Variants in CLSTN2 observed in about 807,000 individuals in gnomAD.
The protein encoded by CLSTN2 is calsyntenin-2.
In CLSTN2, 48 loss-of-function variants were observed where a neutral mutation model predicts 101.2. The ratio of observed to expected loss-of-function variants is 0.47; its 90% CI spans 0.38 to 0.60. The LOEUF (loss-of-function observed/expected upper bound fraction) is 0.60, where lower values mean the gene tolerates loss of function less well. Among genes scored for constraint, CLSTN2 ranks in the 20% least tolerant of loss-of-function variants. The pLI is 0.00. For missense variants in CLSTN2, 1,160 were observed against 1,238.2 expected, an observed-to-expected ratio of 0.94 and a Z score of 0.95; for synonymous variants, 481 against 463.6, an observed-to-expected ratio of 1.04 and a Z score of -0.48.
At chr3:140,222,884 A>AAC (rs1444524661) in intron 2 of CLSTN2, among the ~76,000 whole-genome samples, 13 of 151,312 alleles carry the variant, frequency 8.6e-5, no homozygotes, top group Admixed American at 3.3e-4. Flanking sequence ...GAAAAAAAAA[A>AAC]AAAACACTGC....
At chr3:140,194,638 T>C (rs1202849309) in intron 2 of CLSTN2, among the ~76,000 whole-genome samples, 1 of 152,142 alleles carries the variant, frequency 6.6e-6, no homozygotes, top group Non-Finnish European at 1.5e-5. Context: ...AAACTTTCTG[T>C]TTTGGTTAGC....
chr3:140,406,558 A>G (rs1029823573), intron 4 of CLSTN2, among the ~76,000 whole-genome samples: 2 of 152,246 alleles, frequency 1.3e-5, no homozygotes, highest in African/African-American at 4.8e-5. Context: ...AGAGCCTGTC[A>G]GAATCGTTCC....
intron 1 of CLSTN2, among the ~76,000 whole-genome samples, chr3:140,141,832 C>T (rs772163581): frequency 6.6e-6 from 1 of 152,220 alleles, no homozygotes; most frequent in Non-Finnish European, 1.5e-5. Context: ...CGTTTATGCT[C>T]CACCAAGCTC....
chr3:140,566,562 AG>A lies in CLSTN2; in HGVS notation c.*312del, dbSNP rs200201364. ...AGAGTTTGCCTTTGTTTTTTCCTGC[AG>A]GGAAGAAGGCCCACCTTTGTGTCAC... On this transcript the variant is annotated 3_prime_UTR_variant, in exon 17 of 17. Transcript: ENST00000458420. 2,815 of 385,078 alleles carry A rather than the reference AG, an allele frequency of 7.3e-3. 14 individuals carry two copies. The highest frequency in any genetic ancestry group is 9.4e-3 in the Non-Finnish European group (1,933 of 206,104). 23.9% of individuals were successfully genotyped at this position (385,078 alleles called of 1,614,324 possible). A position where few individuals can be genotyped will look rare whatever the true frequency, so the allele number is the denominator to read the frequency against.
At chr3:140,413,201 GA>G (rs1438889916) in intron 4 of CLSTN2, among the ~76,000 whole-genome samples, 1 of 151,944 alleles carries the variant, frequency 6.6e-6, no homozygotes, top group African/African-American at 2.4e-5. Flanking sequence ...AGAAATGAAA[GA>G]GAAGACATTA....
chr3:140,025,828 T>C (rs369504483), intron 1 of CLSTN2, among the ~76,000 whole-genome samples: 1 of 152,214 alleles, frequency 6.6e-6, no homozygotes, highest in Non-Finnish European at 1.5e-5. Flanking sequence ...TGTTTCAAGA[T>C]GAACATGCGA....
chr3:140,057,946 G>T (rs1477008983), intron 1 of CLSTN2, among the ~76,000 whole-genome samples: 7 of 152,188 alleles, frequency 4.6e-5, no homozygotes, highest in African/African-American at 1.7e-4. Flanking sequence ...GGCAAGAGAT[G>T]ATTTTCTGAG....
At position 140,196,368 on chromosome 3, in the gene CLSTN2, G is replaced by C. The variant is rs2010643486; in HGVS notation, c.232+20295G>C. 2.6e-5 allele frequency among the ~76,000 whole-genome samples: 4 copies of C among 152,352 alleles called. No homozygotes were observed. The South Asian group carries it at 8.3e-4, about 32-fold the overall frequency. ...GTGCAGATGTAGGATTTGTTCATGAGTTATCATTCCTGGGCAGGTTCTGGA... is the reference window on the plus strand; with the variant it reads ...GTGCAGATGTAGGATTTGTTCATGACTTATCATTCCTGGGCAGGTTCTGGA... On this transcript the variant is annotated intron_variant, in intron 2 of 16. Transcript: ENST00000458420.
At position 140,103,103 on chromosome 3, in the gene CLSTN2, G is replaced by C. The variant is rs554112847; in HGVS notation, c.110-72848G>C. Among the ~76,000 whole-genome samples the C allele has an allele frequency of 2.0e-5, 3 of 152,310 alleles. No homozygotes were observed. In the South Asian group the frequency reaches 6.2e-4, roughly 32 times the overall value. ...TTTAATAGTGTGCTTAAGGCAGACT[G>C]ACCTCAGTCAGACTGACCTCAGATT... On this transcript the variant is annotated intron_variant, in intron 1 of 16. Coordinates refer to ENST00000458420, the MANE Select transcript of CLSTN2 (RefSeq NM_022131.3).
At position 140,171,725 on chromosome 3, in the gene CLSTN2, T is replaced by A. The variant is rs1249531052; in HGVS notation, c.110-4226T>A. The stretch of plus-strand genomic sequence containing the variant: ...ATAATATGTATTATGTATTATATAT[T>A]ATATATAATATATTAATATATAATA... On this transcript the variant is annotated intron_variant, in intron 1 of 16. Transcript: ENST00000458420. Among the ~76,000 whole-genome samples, 40 of 103,194 alleles carry A rather than the reference T, an allele frequency of 3.9e-4. No individual in the cohort carries two copies. The East Asian group carries it at 4.8e-3, about 12-fold the overall frequency. 67.7% of individuals were successfully genotyped at this position (103,194 alleles called of 152,430 possible).
chr3:140,485,911 T>G (rs1404301441), intron 8 of CLSTN2, among the ~76,000 whole-genome samples: 1 of 151,834 alleles, frequency 6.6e-6, no homozygotes, highest in Non-Finnish European at 1.5e-5. Flanking sequence ...GCTTCCCAGG[T>G]GAGGCGATGC....
At chr3:140,525,368 G>A (rs571815) in intron 8 of CLSTN2, among the ~76,000 whole-genome samples, 23,389 of 152,076 alleles carry the variant, frequency 0.15, 2,138 homozygotes, top group East Asian at 0.35. Context: ...TCCTGGTAAC[G>A]CACAATCTCC....
At chr3:140,318,475 A>G (rs766444388) in intron 2 of CLSTN2, among the ~76,000 whole-genome samples, 2 of 152,224 alleles carry the variant, frequency 1.3e-5, no homozygotes, top group Admixed American at 6.5e-5. Flanking sequence ...TTAGCAGAGT[A>G]GAGCAGCTAT....
chr3:140,089,138 A>G (rs540305499), intron 1 of CLSTN2, among the ~76,000 whole-genome samples: 30 of 152,300 alleles, frequency 2.0e-4, no homozygotes, highest in Admixed American at 1.8e-3. Context: ...CTGGAGCTCC[A>G]TTAAACAAGC....
At chr3:140,516,459 T>G (rs561028234) in intron 8 of CLSTN2, among the ~76,000 whole-genome samples, 14 of 152,314 alleles carry the variant, frequency 9.2e-5, no homozygotes, top group Admixed American at 2.6e-4. Context: ...GGATGTTCTA[T>G]TTTGGTTTAT....
chr3:140,100,418 T>C (rs909716314), intron 1 of CLSTN2, among the ~76,000 whole-genome samples: 1 of 152,230 alleles, frequency 6.6e-6, no homozygotes. Flanking sequence ...TACCTTATCT[T>C]CCACTTATTA....
chr3:140,016,793 G>GA (rs56040791), intron 1 of CLSTN2, among the ~76,000 whole-genome samples: 50,059 of 89,066 alleles, frequency 0.56, 14,026 homozygotes, highest in Middle Eastern at 0.69. Context: ...GTGAGACTCT[G>GA]AAAAAAAAAA....
In CLSTN2 at chr3:140,516,007, C is replaced by T. The variant is rs780097813; in HGVS notation, c.1345-16317C>T. 7.9e-5 allele frequency among the ~76,000 whole-genome samples: 12 copies of T among 151,964 alleles called. 1 individual carries two copies. The highest frequency in any genetic ancestry group is 1.9e-4 in the East Asian group (1 of 5,170). On this transcript the variant is annotated intron_variant, in intron 8 of 16. Transcript: ENST00000458420. ...GCTCTAGTAGTAATTGTATAAATTT[C>T]GAAGCTGCAGTGTTAGGTGCATATA...
At chr3:140,377,970 A>G (rs1183200368) in intron 2 of CLSTN2, among the ~76,000 whole-genome samples, 3 of 152,100 alleles carry the variant, frequency 2.0e-5, no homozygotes, top group Non-Finnish European at 4.4e-5. Flanking sequence ...TTTACACCAT[A>G]TTTTTACTGA....
Sources: gnomAD v4.1 joint callset for allele counts (sites outside exome capture counted in the v4.1 genomes callset) on GRCh38, gnomAD v4.1.1 for gene constraint, MANE v1.5 for transcripts, NCBI Gene and HGNC (gene_info 2026-07-23, HGNC 2026-07-21) for gene names.